The following COPS2 variants were observed in gnomAD, a reference collection of about 807,000 sequenced individuals.
The protein encoded by COPS2 is COP9 signalosome complex subunit 2.
COPS2 carries 10 observed loss-of-function variants against 66.1 expected under a neutral mutation model. That is an observed-to-expected ratio of 0.15 (90% CI 0.09 to 0.26). The LOEUF is 0.26. Among genes scored for constraint, COPS2 ranks in the 10% least tolerant of loss-of-function variants. The probability of loss-of-function intolerance (pLI) is 1.00; values close to 1 mark genes in which losing one functional copy is unlikely to be tolerated. For missense variants in COPS2, 215 were observed against 513.3 expected, an observed-to-expected ratio of 0.42 and a Z score of 5.62; for synonymous variants, 179 against 171.3, an observed-to-expected ratio of 1.04 and a Z score of -0.35.
intron 1 of COPS2, among the ~76,000 whole-genome samples, chr15:49,150,498 G>A (rs573241466): frequency 6.6e-6 from 1 of 152,198 alleles, no homozygotes; most frequent in East Asian, 1.9e-4. Flanking sequence ...ACGAGAGTCT[G>A]TAAGAGATCC....
At chr15:49,149,781 C>T (rs1025263052) in intron 1 of COPS2, among the ~76,000 whole-genome samples, 2 of 152,136 alleles carry the variant, frequency 1.3e-5, no homozygotes, top group African/African-American at 4.8e-5. Flanking sequence ...ATTAACAATG[C>T]TTTCTGAGTC....
At position 49,143,853 on chromosome 15, in the gene COPS2, G is replaced by A. The variant is rs573954933; in HGVS notation, c.246+374C>T. On this transcript the variant is annotated intron_variant, in intron 3 of 12. Coordinates refer to ENST00000388901, the MANE Select transcript of COPS2 (RefSeq NM_004236.4). ...CACAAAAAATTAGCTGGGCATGGTG[G>A]CATGTGCCTGTAGTTCCAGCTACTC... Among the ~76,000 whole-genome samples, 159 of 152,194 alleles carry A rather than the reference G, an allele frequency of 1.0e-3. 1 individual carries two copies. The highest frequency in any genetic ancestry group is 3.8e-3 in the African/African-American group (156 of 41,536).
intron 4 of COPS2, chr15:49,139,250 G>A: frequency 4.0e-6 from 1 of 251,536 alleles, no homozygotes; most frequent in Non-Finnish European, 7.5e-6. Flanking sequence ...ACCTGTGGTA[G>A]CAACTGTATA....
intron 9 of COPS2, among the ~76,000 whole-genome samples, chr15:49,132,094 C>T (rs1265409187): frequency 6.6e-6 from 1 of 152,066 alleles, no homozygotes; most frequent in African/African-American, 2.4e-5. Context: ...TAAAGCTTTT[C>T]CTCAATATTT....
In COPS2 at chr15:49,140,277, G is replaced by A. The variant is rs79898847; in HGVS notation, c.247-624C>T. Among the ~76,000 whole-genome samples the A allele has an allele frequency of 2.8e-3, 422 of 152,156 alleles. 3 individuals carry two copies. The highest frequency in any genetic ancestry group is 9.8e-3 in the African/African-American group (405 of 41,510). On this transcript the variant is annotated intron_variant, in intron 3 of 12. Coordinates refer to ENST00000388901, the MANE Select transcript of COPS2 (RefSeq NM_004236.4). ...CCCAAAGTGCTGGAATTACAGGTGT[G>A]AGCCACTGCACTCGGCCAAAATCCA...
intron 1 of COPS2, among the ~76,000 whole-genome samples, chr15:49,155,202 C>A (rs76986335): frequency 6.6e-6 from 1 of 152,242 alleles, no homozygotes; most frequent in African/African-American, 2.4e-5. Flanking sequence ...GTCACCGAGG[C>A]GGCTAGCGCG....
At chr15:49,137,083 T>C (rs2084258300) in intron 6 of COPS2, 67 bp downstream of exon 6, 1 of 954,996 alleles carries the variant, frequency 1.0e-6, no homozygotes, top group Non-Finnish European at 1.6e-6. Flanking sequence ...ATATTTTGAA[T>C]ATAATTATTG....
At chr15:49,143,260 G>T in intron 3 of COPS2, among the ~76,000 whole-genome samples, 1 of 152,200 alleles carries the variant, frequency 6.6e-6, no homozygotes, top group East Asian at 1.9e-4. Flanking sequence ...CTTACATAGG[G>T]ATCTGTAGGT....
intron 3 of COPS2, 66 bp downstream of exon 3, chr15:49,144,161 C>G: frequency 2.0e-6 from 2 of 989,916 alleles, no homozygotes; most frequent in South Asian, 2.6e-5. Context: ...TATAATAGTA[C>G]TTTGTCGTGA....
Position 49,122,801 on chromosome 15 carries a change from C to A in COPS2, c.*5149G>T, listed in dbSNP as rs2084135368. ...ATAAAAAAACCCTTGAGTATTTAAG[C>A]CTTACAGCATCTTATGACACATCCT... On this transcript the variant is annotated 3_prime_UTR_variant, in exon 13 of 13. Transcript: ENST00000388901. The A allele has an allele frequency of 2.0e-5, 3 of 152,118 alleles. No homozygotes were observed. The highest frequency in any genetic ancestry group is 6.5e-5 in the Admixed American group (1 of 15,284). The allele number at this position is 152,118 out of a possible 1,614,324, so 9.4% of individuals were successfully genotyped here.
chr15:49,136,978 C>T (rs2084257230), intron 6 of COPS2, among the ~76,000 whole-genome samples, 172 bp downstream of exon 6: 1 of 150,302 alleles, frequency 6.7e-6, no homozygotes, highest in Admixed American at 6.6e-5. Context: ...GTGACAGAGC[C>T]ATACCCTCTC....
At chr15:49,148,023 C>T (rs930104170) in intron 1 of COPS2, among the ~76,000 whole-genome samples, 2 of 152,174 alleles carry the variant, frequency 1.3e-5, no homozygotes, top group South Asian at 2.1e-4. Context: ...ATCACTAACC[C>T]ATCATTTGCA....
At chr15:49,139,446 C>T (rs1269456225) in intron 4 of COPS2, 82 bp downstream of exon 4, 2 of 1,085,014 alleles carry the variant, frequency 1.8e-6, no homozygotes, top group East Asian at 2.4e-5. Context: ...AAGCTCTAGG[C>T]CTTTCCATCT....
rs1354698258 is a variant in COPS2 at position 49,126,302 on chromosome 15, C to T, written c.*1648G>A. Reference sequence around the variant, plus strand: ...TGCTTTAGTCTGCTAAAGACATTAACTGATTGCTTTTCTAAATCTAAGGAT... The same window carrying T: ...TGCTTTAGTCTGCTAAAGACATTAATTGATTGCTTTTCTAAATCTAAGGAT... On this transcript the variant is annotated 3_prime_UTR_variant, in exon 13 of 13. Coordinates refer to ENST00000388901, the MANE Select transcript of COPS2 (RefSeq NM_004236.4). 2 of 152,384 alleles carry T rather than the reference C, an allele frequency of 1.3e-5. No individual in the cohort carries two copies. The highest frequency in any genetic ancestry group is 3.8e-4 in the East Asian group (2 of 5,198). The allele number at this position is 152,384 out of a possible 1,614,324, so 9.4% of individuals were successfully genotyped here. A position where few individuals can be genotyped will look rare whatever the true frequency, so the allele number is the denominator to read the frequency against.
intron 4 of COPS2, among the ~76,000 whole-genome samples, chr15:49,138,749 T>G (rs1178360831): frequency 1.3e-5 from 2 of 152,152 alleles, no homozygotes; most frequent in Non-Finnish European, 2.9e-5. Context: ...TAAATGAGGC[T>G]GATTCTGATC....
chr15:49,148,763 C>T (rs2084338662), intron 1 of COPS2, among the ~76,000 whole-genome samples: 2 of 152,052 alleles, frequency 1.3e-5, no homozygotes, highest in Non-Finnish European at 2.9e-5. Flanking sequence ...AGTTAGGGGA[C>T]ACAATAAATG....
rs973849763 is a variant in COPS2, at chr15:49,130,715, A to G, written c.1045+4T>C. On this transcript the variant is annotated splice_donor_region_variant and intron_variant, in intron 10 of 12. Transcript: ENST00000388901. ...ATAGAATCCAGTTGGCAGAAAGAAC[A>G]TACCTTCAATGTGTTCTCTTATGAA... The G allele has an allele frequency of 3.9e-6, 6 of 1,547,774 alleles. No homozygotes were observed. The highest frequency in any genetic ancestry group is 1.8e-6 in the Non-Finnish European group (2 of 1,126,414).
At chr15:49,140,947 A>C (rs994287087) in intron 3 of COPS2, among the ~76,000 whole-genome samples, 4 of 152,086 alleles carry the variant, frequency 2.6e-5, no homozygotes, top group Non-Finnish European at 5.9e-5. Flanking sequence ...AACCTAACCA[A>C]GAATTGAATT....
intron 1 of COPS2, among the ~76,000 whole-genome samples, chr15:49,148,218 C>T (rs2084334819): frequency 6.6e-6 from 1 of 152,046 alleles, no homozygotes; most frequent in South Asian, 2.1e-4. Flanking sequence ...AATTATTGCT[C>T]ACAGAAATCC....
Sources: gnomAD v4.1 joint callset for allele counts (sites outside exome capture counted in the v4.1 genomes callset) on GRCh38, gnomAD v4.1.1 for gene constraint, MANE v1.5 for transcripts, NCBI Gene and HGNC (gene_info 2026-07-23, HGNC 2026-07-21) for gene names.